TCF20: variants seen among roughly 807,000 people sequenced by gnomAD.
TCF20 encodes the protein transcription factor 20, also known as SPRE-binding protein.
TCF20 carries 3 observed loss-of-function variants against 148.6 expected under a neutral mutation model. The ratio of observed to expected loss-of-function variants is 0.02; its 90% CI spans 0.01 to 0.05. The LOEUF is 0.05. Among genes scored for constraint, TCF20 ranks in the 10% least tolerant of loss-of-function variants. TCF20 has a pLI of 1.00. For synonymous variants in TCF20, 1,049 were observed against 909.5 expected (o/e 1.15, Z -2.76); for missense variants, 2,350 against 2,429.3 (o/e 0.97, Z 0.69).
In TCF20 at chr22:42,224,952, T is replaced by A. The variant is rs562656754; in HGVS notation, c.-36-9611A>T. On this transcript the variant is annotated intron_variant, in intron 1 of 5. Coordinates refer to ENST00000677622, the MANE Select transcript of TCF20 (RefSeq NM_001378418.1). ...ATGGCAGTGTTGTGGAAGTATTTTT[T>A]CCCCTTTTCATTTCTATTTACATTA... is the stretch of plus-strand genomic sequence containing the variant. 4.3e-4 allele frequency among the ~76,000 whole-genome samples: 65 copies of A among 151,588 alleles called. No homozygotes were observed. The South Asian group carries it at 0.01, about 24-fold the overall frequency.
Position 42,338,661 on chromosome 22 carries a change from C to G in TCF20, c.-37+4818G>C, listed in dbSNP as rs1307964335. On this transcript the variant is annotated intron_variant, in intron 1 of 1. Transcript: ENST00000515426. The surrounding 1 kb of genome is among the most constrained non-coding windows in gnomAD (Gnocchi z 4.0). ...CGGAGGCAGACAGCCATGTTGCCAG[C>G]TCCTGCGACGGAGGCTGCCAGGCGG... is the stretch of plus-strand genomic sequence containing the variant. Among the ~76,000 whole-genome samples, 2 of 152,238 alleles carry G rather than the reference C, an allele frequency of 1.3e-5. No homozygotes were observed. Among genetic ancestry groups the G allele is most frequent in the African/African-American group, 2.4e-5 (1 of 41,470 alleles).
At chr22:42,305,992 T>G (rs1927424982) in intron 1 of TCF20, among the ~76,000 whole-genome samples, 1 of 152,158 alleles carries the variant, frequency 6.6e-6, no homozygotes, top group South Asian at 2.1e-4. Flanking sequence ...CTGAGCCTCC[T>G]TGCCTCCCCC....
In TCF20 at chr22:42,212,418, C is replaced by A; in HGVS notation, c.2888G>T (p.Gly963Val). 6.2e-7 allele frequency: 1 copy of A among 1,614,222 alleles called. No homozygotes were observed. Among genetic ancestry groups the A allele is most frequent in the Non-Finnish European group, 8.5e-7 (1 of 1,180,044 alleles). ...GGTTGCTGCTCCAGGGCTGGCATTG[C>A]CGCGGTAAGACTCATGCTTGATGCT... ...PPSIKHESYR[G>V]NASPGAATHD... Residue 963 changes from glycine to valine, a missense_variant, in exon 2 of 6, where the codon GGC becomes GTC. Coordinates refer to ENST00000677622, the MANE Select transcript of TCF20 (RefSeq NM_001378418.1).
Position 42,213,419 on chromosome 22 carries a change from C to T in TCF20, c.1887G>A (p.Glu629=), listed in dbSNP as rs745403676. The T allele has an allele frequency of 9.3e-6, 15 of 1,614,082 alleles. No individual in the cohort carries two copies. The African/African-American group carries it at 1.2e-4, about 13-fold the overall frequency. The part of the protein sequence containing the change: ...KPGGQDKGSQ[E]DDPAATQRPP... Reference sequence around the variant, plus strand: ...GCCTTTGAGTGGCTGCAGGATCATCCTCTTGGGAGCCTTTATCTTGTCCAC... The same window carrying T: ...GCCTTTGAGTGGCTGCAGGATCATCTTCTTGGGAGCCTTTATCTTGTCCAC... Residue 629 remains glutamate (E), a synonymous_variant, in exon 2 of 6, where the codon GAG becomes GAA. Transcript: ENST00000677622.
At chr22:42,177,094 C>G (rs183289632) in intron 3 of TCF20, among the ~76,000 whole-genome samples, 1 of 152,160 alleles carries the variant, frequency 6.6e-6, no homozygotes, top group East Asian at 1.9e-4. Context: ...ACTGAGCACC[C>G]CATATCTACA....
At chr22:42,324,829 G>A (rs1354536014) in intron 1 of TCF20, among the ~76,000 whole-genome samples, 1 of 152,218 alleles carries the variant, frequency 6.6e-6, no homozygotes, top group Non-Finnish European at 1.5e-5. Context: ...GCAGCCTGGG[G>A]AGTCTTATTA....
At chr22:42,183,728 G>A (rs944693588) in intron 2 of TCF20, among the ~76,000 whole-genome samples, 10 of 151,902 alleles carry the variant, frequency 6.6e-5, no homozygotes, top group African/African-American at 2.2e-4. Flanking sequence ...ACTAATACAC[G>A]GGGATTTCCC....
rs563867087 is a variant in TCF20, at chr22:42,252,096, T to C, written c.-37+18243A>G. Among the ~76,000 whole-genome samples the C allele has an allele frequency of 8.7e-5, 13 of 149,938 alleles. No homozygotes were observed. In the East Asian group the frequency reaches 2.7e-3, roughly 31 times the overall value. The stretch of plus-strand genomic sequence containing the variant: ...ACCAGCCTGGGCAACATGGCGAAAC[T>C]CTGTCTCTACCTGTATTTTTTTTTG... On this transcript the variant is annotated intron_variant, in intron 1 of 5. Coordinates refer to ENST00000677622, the MANE Select transcript of TCF20 (RefSeq NM_001378418.1).
Position 42,161,367 on chromosome 22 carries a change from C to T in TCF20, c.*45-9G>A. ...CATCTCCACAGTCTCACCTGGAAGA[C>T]AAGGGACACACAGTGAAGGCCAGGA... is the stretch of plus-strand genomic sequence containing the variant. On this transcript the variant is annotated splice_polypyrimidine_tract_variant and intron_variant, in intron 5 of 5. Transcript: ENST00000677622. The T allele has an allele frequency of 6.2e-7, 1 of 1,614,092 alleles. No individual in the cohort carries two copies.
In TCF20 at chr22:42,209,975, C is replaced by T; in HGVS notation, c.5331G>A (p.Gln1777=). ...EEEQQQQQKE[Q]RSLAAHPRFK... ...ACCTGGGGTGTGCGGCCAGGCTTCTCTGCTCCTTCTGCTGCTGCTGCTGCT... is the reference window on the plus strand; with the variant it reads ...ACCTGGGGTGTGCGGCCAGGCTTCTTTGCTCCTTCTGCTGCTGCTGCTGCT... Residue 1777 remains glutamine (Q), a synonymous_variant, in exon 2 of 6, where the codon CAG becomes CAA. Transcript: ENST00000677622. 1 of 1,613,600 alleles carries T rather than the reference C, an allele frequency of 6.2e-7. No homozygotes were observed. Among genetic ancestry groups the T allele is most frequent in the East Asian group, 2.2e-5 (1 of 44,886 alleles).
intron 1 of TCF20, among the ~76,000 whole-genome samples, chr22:42,294,434 G>A (rs1927191277): frequency 6.6e-6 from 1 of 152,200 alleles, no homozygotes; most frequent in Admixed American, 6.5e-5. Context: ...AGGAGCGGGA[G>A]GGAGGCCAGG....
intron 2 of TCF20, among the ~76,000 whole-genome samples, chr22:42,194,379 A>G (rs1937491243): frequency 6.6e-6 from 1 of 152,228 alleles, no homozygotes; most frequent in Non-Finnish European, 1.5e-5. Flanking sequence ...TGGCACTGCT[A>G]AAACCCTCGC....
intron 1 of TCF20, among the ~76,000 whole-genome samples, chr22:42,245,729 C>G (rs1385378692): frequency 6.6e-6 from 1 of 152,112 alleles, no homozygotes; most frequent in Non-Finnish European, 1.5e-5. Flanking sequence ...TAGAATTAAC[C>G]AATGTTTTCT....
rs1268899309 is a variant in TCF20 at position 42,210,260 on chromosome 22, G to T, written c.5046C>A (p.Leu1682=). ...PPPSSTESKA[L]PASSFMLQGP... ...CCTGCAGCATAAAGGACGAGGCCGG[G>T]AGCGCCTTGCTTTCAGTGCTGCTAG... The change falls in exon 2 of 6, where the codon CTC becomes CTA. Residue 1682 remains leucine (L), a synonymous_variant. Transcript: ENST00000677622. This position sits in a 1 kb window ranked among gnomAD's most constrained non-coding sequence, Gnocchi z 4.7. 6.2e-7 allele frequency: 1 copy of T among 1,614,212 alleles called. No homozygotes were observed. The highest frequency in any genetic ancestry group is 2.2e-5 in the East Asian group (1 of 44,884).
intron 2 of TCF20, among the ~76,000 whole-genome samples, chr22:42,198,810 C>T (rs1183655214): frequency 2.0e-5 from 3 of 152,044 alleles, no homozygotes; most frequent in Non-Finnish European, 2.9e-5. Context: ...TACAGGCGCC[C>T]GCCACCACGT....
At chr22:42,301,221 A>G (rs1205995619) in intron 1 of TCF20, among the ~76,000 whole-genome samples, 3 of 151,940 alleles carry the variant, frequency 2.0e-5, no homozygotes, top group Admixed American at 1.3e-4. Flanking sequence ...AGCAGGAGAG[A>G]GGTCGGCTCA....
intron 1 of TCF20, among the ~76,000 whole-genome samples, chr22:42,221,939 C>T (rs1043092717): frequency 1.3e-5 from 2 of 151,734 alleles, no homozygotes; most frequent in Admixed American, 6.6e-5. Context: ...AGGGTTTCAC[C>T]GTGTTAGCCA....
chr22:42,285,626 TTTATTTTATTA>T (rs1927015969), upstream of TCF20, among the ~76,000 whole-genome samples: 2 of 152,190 alleles, frequency 1.3e-5, no homozygotes, highest in South Asian at 4.2e-4. The surrounding 1 kb of genome is among the most constrained non-coding windows in gnomAD (Gnocchi z 4.2). Context: ...TTATTTTTAT[TTTATTTTATTA>T]TTATTTTATT....
chr22:42,245,917 G>C (rs1014923683), intron 1 of TCF20, among the ~76,000 whole-genome samples: 1 of 151,836 alleles, frequency 6.6e-6, no homozygotes. Context: ...CCAGCTCTAT[G>C]GTCAAATTTT....
Sources: gnomAD v4.1 joint callset for allele counts (sites outside exome capture counted in the v4.1 genomes callset) on GRCh38, gnomAD v4.1.1 for gene constraint, Gnocchi (gnomAD v3.1) non-coding constraint, MANE v1.5 for transcripts, NCBI Gene and HGNC (gene_info 2026-07-23, HGNC 2026-07-21) for gene names.